The following ACER2 variants were observed in gnomAD, a reference collection of about 807,000 sequenced individuals.
ACER2 encodes the protein alkaline ceramidase 2.
In ACER2, 26 loss-of-function variants were observed where a neutral mutation model predicts 34.7. The ratio of observed to expected loss-of-function variants is 0.75; its 90% confidence interval spans 0.55 to 1.04. The LOEUF is 1.04. Ranked by LOEUF, ACER2 falls within the 50% of genes least tolerant of loss-of-function variation. The probability of loss-of-function intolerance (pLI) is 0.00; values close to 1 mark genes in which losing one functional copy is unlikely to be tolerated. For synonymous variants in ACER2, 138 were observed against 132.1 expected (o/e 1.04, Z -0.31); for missense variants, 352 against 340.8 (o/e 1.03, Z -0.26).
At chr9:19,423,390 G>T (rs1830465980) in intron 1 of ACER2, among the ~76,000 whole-genome samples, 1 of 152,158 alleles carries the variant, frequency 6.6e-6, no homozygotes, top group Non-Finnish European at 1.5e-5. Context: ...TCTCCTGATT[G>T]TATATCTGTA....
intron 3 of ACER2, among the ~76,000 whole-genome samples, chr9:19,434,354 CACTTCCCAG>C (rs1305278842): frequency 2.0e-5 from 3 of 152,182 alleles, no homozygotes; most frequent in African/African-American, 7.2e-5. Flanking sequence ...AGACGCTCCT[CACTTCCCAG>C]ACGGGGTGGC....
chr9:19,422,264 A>C (rs1056351187), intron 1 of ACER2, among the ~76,000 whole-genome samples: 7 of 151,822 alleles, frequency 4.6e-5, no homozygotes, highest in African/African-American at 1.7e-4. Flanking sequence ...CCACCACTAC[A>C]CTCTAGCCTG....
intron 5 of ACER2, among the ~76,000 whole-genome samples, chr9:19,447,715 GTAA>G (rs1831414564): frequency 6.6e-6 from 1 of 152,124 alleles, no homozygotes; most frequent in Non-Finnish European, 1.5e-5. Flanking sequence ...TTTAAACTAT[GTAA>G]TAATTTTGAC....
chr9:19,441,467 C>G (rs1288518996), intron 4 of ACER2, among the ~76,000 whole-genome samples: 2 of 152,198 alleles, frequency 1.3e-5, no homozygotes, highest in African/African-American at 2.4e-5. Flanking sequence ...CTCTGCCTTC[C>G]ATCCTCAGCC....
rs763998517 is a variant in ACER2, at chr9:19,424,678, TA to T, written c.224-21del. On this transcript the variant is annotated intron_variant, in intron 2 of 5. Coordinates refer to ENST00000340967, the MANE Select transcript of ACER2 (RefSeq NM_001010887.3). ...TGTCTCTTCTGTGGTGACCTTTTTT[TA>T]TTGGTTGTAATTGATTCTAGGAATT... 4.4e-5 allele frequency: 71 copies of T among 1,612,050 alleles called. No individual in the cohort carries two copies. The African/African-American group carries it at 7.7e-4, about 18-fold the overall frequency.
At chr9:19,448,356 G>C (rs538427384) in intron 5 of ACER2, among the ~76,000 whole-genome samples, 31 of 151,982 alleles carry the variant, frequency 2.0e-4, no homozygotes, top group Non-Finnish European at 3.4e-4. Flanking sequence ...ATACTACATA[G>C]ATCTAATGCT....
At chr9:19,411,949 T>C (rs1008126556) in intron 1 of ACER2, among the ~76,000 whole-genome samples, 3 of 152,210 alleles carry the variant, frequency 2.0e-5, no homozygotes, top group East Asian at 1.9e-4. Context: ...AAGATGGAAA[T>C]TGGGGCCTAG....
chr9:19,426,377 TCTCTCTCTCTCTCTCCTCCTTTCCCTTCC>T (rs1452730577), intron 3 of ACER2, among the ~76,000 whole-genome samples: 1 of 150,174 alleles, frequency 6.7e-6, no homozygotes, highest in African/African-American at 2.5e-5. Context: ...TCTCTCTCTC[TCTCTCTCTCTCTCTCCTCCTTTCCCTTCC>T]CCTCCTTTCC....
rs184590984 is a variant in ACER2, at chr9:19,410,008, A to G, written c.108+816A>G. ...AGAGGAAATGCCTCTTATTTTGTGT[A>G]TGTCCATGGCTCAGAATCCTGGTAC... is the stretch of plus-strand genomic sequence containing the variant. On this transcript the variant is annotated intron_variant, in intron 1 of 5. Coordinates refer to ENST00000340967, the MANE Select transcript of ACER2 (RefSeq NM_001010887.3). 1.8e-4 allele frequency: 158 copies of G among 887,444 alleles called. No homozygotes were observed. In the African/African-American group the frequency reaches 2.6e-3, roughly 15 times the overall value. 55.0% of individuals were successfully genotyped at this position (887,444 alleles called of 1,614,324 possible).
chr9:19,424,508 T>C lies in ACER2; in HGVS notation c.224-192T>C, dbSNP rs1177770217. On this transcript the variant is annotated intron_variant, in intron 2 of 5. Transcript: ENST00000340967. ...TGATGTGCTGATATTTGGGCCCTAG[T>C]TGAAATCTTCTTTCTAGACTGGAGG... is the stretch of plus-strand genomic sequence containing the variant. 3 of 985,260 alleles carry C rather than the reference T, an allele frequency of 3.0e-6. No homozygotes were observed. In the African/African-American group the frequency reaches 5.2e-5, roughly 17 times the overall value. The allele number at this position is 985,260 out of a possible 1,614,324, so 61.0% of individuals were successfully genotyped here. A position where few individuals can be genotyped will look rare whatever the true frequency, so the allele number is the denominator to read the frequency against.
intron 1 of ACER2, among the ~76,000 whole-genome samples, chr9:19,416,242 A>G (rs959829558): frequency 3.9e-5 from 6 of 152,134 alleles, no homozygotes; most frequent in African/African-American, 1.4e-4. Context: ...GTTTAACAAG[A>G]GGAAAGCCAT....
intron 2 of ACER2, 133 bp downstream of exon 2, chr9:19,424,109 T>G: frequency 2.3e-6 from 2 of 884,686 alleles, no homozygotes; most frequent in East Asian, 2.6e-5. Flanking sequence ...TTAGCAAACT[T>G]TTTTTTCCCA....
chr9:19,450,670 C>G lies in ACER2; in HGVS notation c.*34C>G. On this transcript the variant is annotated 3_prime_UTR_variant, in exon 6 of 6. Transcript: ENST00000340967. ...TGGTGGCTGGCTTCTCTGCTTATCG[C>G]CCCTCATGCAGTGGGCTTCCTTTGC... 6.6e-7 allele frequency: 1 copy of G among 1,512,158 alleles called. No individual in the cohort carries two copies. The highest frequency in any genetic ancestry group is 1.4e-5 in the African/African-American group (1 of 73,792). The allele number at this position is 1,512,158 out of a possible 1,614,324, so 93.7% of individuals were successfully genotyped here. A position where few individuals can be genotyped will look rare whatever the true frequency, so the allele number is the denominator to read the frequency against.
intron 5 of ACER2, chr9:19,446,696 GC>G (rs1419940532): frequency 6.4e-6 from 6 of 934,338 alleles, no homozygotes; most frequent in Non-Finnish European, 6.4e-6. Flanking sequence ...GCCTAAAGGA[GC>G]TTGAGAACTG....
intron 3 of ACER2, among the ~76,000 whole-genome samples, chr9:19,425,445 T>A (rs1484097537): frequency 6.6e-6 from 1 of 152,374 alleles, no homozygotes; most frequent in Non-Finnish European, 1.5e-5. Flanking sequence ...ATACAGGTAT[T>A]CATCCAGCAA....
chr9:19,417,389 G>A (rs1180799440), intron 1 of ACER2, among the ~76,000 whole-genome samples: 3 of 152,070 alleles, frequency 2.0e-5, no homozygotes. Context: ...AATTTCATAT[G>A]GAAACAAAAA....
At chr9:19,440,471 C>T (rs552056515) in intron 4 of ACER2, among the ~76,000 whole-genome samples, 1 of 152,138 alleles carries the variant, frequency 6.6e-6, no homozygotes, top group Non-Finnish European at 1.5e-5. Flanking sequence ...TAGTGCTTTT[C>T]TAAAAGAGGT....
intron 1 of ACER2, among the ~76,000 whole-genome samples, chr9:19,423,196 A>G (rs1240206101): frequency 6.6e-6 from 1 of 152,166 alleles, no homozygotes; most frequent in Non-Finnish European, 1.5e-5. Context: ...GTGCAAGTAA[A>G]TTAGAATGAT....
At chr9:19,441,296 T>G (rs569395771) in intron 4 of ACER2, among the ~76,000 whole-genome samples, 9 of 152,182 alleles carry the variant, frequency 5.9e-5, no homozygotes, top group East Asian at 3.9e-4. Context: ...TGATCTGCCC[T>G]CCTTGGCCTC....
Sources: gnomAD v4.1 joint callset for allele counts (sites outside exome capture counted in the v4.1 genomes callset) on GRCh38, gnomAD v4.1.1 for gene constraint, MANE v1.5 for transcripts, NCBI Gene and HGNC (gene_info 2026-07-23, HGNC 2026-07-21) for gene names.